Variants in ZNF496 observed in about 807,000 individuals in gnomAD.
The protein encoded by ZNF496 is NSD1 (nuclear receptor binding SET-domain containing 1)-interacting zinc finger protein 1.
Under a neutral mutation model 58.9 loss-of-function variants are expected in ZNF496, and 11 were observed. The observed-to-expected ratio is 0.19, with a 90% CI of 0.12 to 0.31. The LOEUF (loss-of-function observed/expected upper bound fraction) is 0.31, where lower values mean the gene tolerates loss of function less well. Among genes scored for constraint, ZNF496 ranks in the 10% least tolerant of loss-of-function variants. The pLI, the probability that ZNF496 is intolerant of heterozygous loss-of-function variation, is 1.00. For synonymous variants in ZNF496, 338 were observed against 318.2 expected, an observed-to-expected ratio of 1.06 and a Z score of -0.66; for missense variants, 660 against 783.0, an observed-to-expected ratio of 0.84 and a Z score of 1.88.
rs556025977 is a variant in ZNF496 at position 247,329,353 on chromosome 1, G to A, written c.226C>T (p.His76Tyr). Residue 76 changes from histidine to tyrosine, a missense_variant, in exon 4 of 10, where the codon CAC becomes TAC. Transcript: ENST00000682384. This position sits in a 1 kb window ranked among gnomAD's most constrained non-coding sequence, Gnocchi z 5.5. ...AGCTCCAGAATCTGCTCCTTGGTGT[G>A]CCTCTCAGGCCGCAGCCAGCCCCCG... ...LCGGWLRPER[H>Y]TKEQILELLV... 1 of 1,613,548 alleles carries A rather than the reference G, an allele frequency of 6.2e-7. No individual in the cohort carries two copies. Among genetic ancestry groups the A allele is most frequent in the East Asian group, 2.2e-5 (1 of 44,868 alleles).
In ZNF496 at chr1:247,310,469, G is replaced by C; in HGVS notation, c.652-13C>G. 1 of 1,614,040 alleles carries C rather than the reference G, an allele frequency of 6.2e-7. No individual in the cohort carries two copies. The highest frequency in any genetic ancestry group is 8.5e-7 in the Non-Finnish European group (1 of 1,179,980). ...GAGAAACCCGACTCTGAAAGCACAGGAGAACAGGGATGCCTCAGTCCGGGA... is the reference window on the plus strand; with the variant it reads ...GAGAAACCCGACTCTGAAAGCACAGCAGAACAGGGATGCCTCAGTCCGGGA... On this transcript the variant is annotated splice_polypyrimidine_tract_variant and intron_variant, in intron 6 of 9. Coordinates refer to ENST00000682384, the MANE Select transcript of ZNF496 (RefSeq NM_032752.3).
chr1:247,328,447 A>C (rs1660210247), intron 5 of ZNF496, among the ~76,000 whole-genome samples: 1 of 152,190 alleles, frequency 6.6e-6, no homozygotes, highest in South Asian at 2.1e-4. Context: ...ACCCACCTAC[A>C]GAAGCGTTAG....
chr1:247,324,138 T>A (rs1660046814), intron 5 of ZNF496, among the ~76,000 whole-genome samples: 1 of 148,280 alleles, frequency 6.7e-6, no homozygotes, highest in Non-Finnish European at 1.5e-5. Flanking sequence ...TGGAACTCCA[T>A]AAAAAAAGAA....
rs1203653768 is a variant in ZNF496, at chr1:247,297,954, G to C, written c.*2565C>G. 6.6e-5 allele frequency: 10 copies of C among 152,202 alleles called. No homozygotes were observed. Among genetic ancestry groups the C allele is most frequent in the Non-Finnish European group, 1.5e-4 (10 of 68,044 alleles). 9.4% of individuals were successfully genotyped at this position (152,202 alleles called of 1,614,324 possible). On this transcript the variant is annotated 3_prime_UTR_variant, in exon 10 of 10. Coordinates refer to ENST00000682384, the MANE Select transcript of ZNF496 (RefSeq NM_032752.3). ...ACACAGAAAAACACTCTGGTAAGTA[G>C]AACAGTGTTCTTCTCTTGAGTCAGA...
rs1288889442 is a variant in ZNF496 at position 247,300,641 on chromosome 1, C to T, written c.1642G>A (p.Asp548Asn). ...CGGCACTGGAAGGGCCGGGCTTTGTCCTTCAGGTGAAAGTGGCTGCGGTGC... is the reference window on the plus strand; with the variant it reads ...CGGCACTGGAAGGGCCGGGCTTTGTTCTTCAGGTGAAAGTGGCTGCGGTGC... ...ARHRSHFHLK[D>N]KARPFQCRYC... is the part of the protein sequence containing the mutation. Residue 548 changes from aspartate (D) to asparagine (N), a missense_variant, in exon 10 of 10, where the codon GAC becomes AAC. Physicochemically the swap from Asp to Asn is conservative, Grantham distance 23. Transcript: ENST00000682384. The surrounding 1 kb of genome is among the most constrained non-coding windows in gnomAD (Gnocchi z 5.7). 1 of 1,614,180 alleles carries T rather than the reference C, an allele frequency of 6.2e-7. No individual in the cohort carries two copies. Among genetic ancestry groups the T allele is most frequent in the East Asian group, 2.2e-5 (1 of 44,880 alleles).
chr1:247,311,399 T>TAAA, intron 6 of ZNF496: 1 of 123,162 alleles, frequency 8.1e-6, no homozygotes, highest in Non-Finnish European at 1.7e-5. Context: ...GACTCAGTCT[T>TAAA]AAAAAAAAAA....
chr1:247,324,768 A>G (rs1225965437), intron 5 of ZNF496, among the ~76,000 whole-genome samples: 2 of 152,248 alleles, frequency 1.3e-5, no homozygotes, highest in Non-Finnish European at 2.9e-5. Flanking sequence ...AAATTAAACA[A>G]AAAAGAAAAA....
At chr1:247,310,580 T>G in intron 6 of ZNF496, 124 bp from the exon 7 acceptor site, 3 of 1,300,092 alleles carry the variant, frequency 2.3e-6, no homozygotes, top group Non-Finnish European at 3.2e-6. Context: ...CAGAAATCTG[T>G]TCCTCACAGT....
At chr1:247,324,362 A>G (rs917063311) in intron 5 of ZNF496, among the ~76,000 whole-genome samples, 2 of 152,234 alleles carry the variant, frequency 1.3e-5, no homozygotes, top group African/African-American at 4.8e-5. Context: ...AATTTCAGTG[A>G]CATGAGAGGA....
chr1:247,305,150 T>C (rs1014897339), intron 9 of ZNF496, among the ~76,000 whole-genome samples: 28 of 152,042 alleles, frequency 1.8e-4, no homozygotes, highest in Admixed American at 5.9e-4. Context: ...TATGGGTGGG[T>C]GGGCTCCCAC....
chr1:247,301,211 A>C lies in ZNF496; in HGVS notation c.1072T>G (p.Ser358Ala). ...TGGGAGTCCTCGTCCCCAGAGCTGG[A>C]GAGAACGATCTCGATGGTCACTTCT... is the stretch of plus-strand genomic sequence containing the variant. The part of the protein sequence containing the change: ...DEEVTIEIVL[S>A]SSGDEDSQHG... Residue 358 changes from serine (S) to alanine (A), a missense_variant, in exon 10 of 10, where the codon TCC becomes GCC. Physicochemically the swap from Ser to Ala is moderately conservative, Grantham distance 99. Transcript: ENST00000682384. 6.4e-7 allele frequency: 1 copy of C among 1,558,366 alleles called. No homozygotes were observed. The highest frequency in any genetic ancestry group is 8.7e-7 in the Non-Finnish European group (1 of 1,152,362).
chr1:247,320,166 T>C (rs899892946), intron 6 of ZNF496, among the ~76,000 whole-genome samples: 3 of 152,200 alleles, frequency 2.0e-5, no homozygotes, highest in Non-Finnish European at 4.4e-5. Flanking sequence ...GATGTGTATA[T>C]AAAAACCTGC....
At chr1:247,326,913 C>T (rs1660146291) in intron 5 of ZNF496, among the ~76,000 whole-genome samples, 1 of 152,138 alleles carries the variant, frequency 6.6e-6, no homozygotes, top group African/African-American at 2.4e-5. Flanking sequence ...TTAGTGTAAA[C>T]ATCTTCCTCT....
At chr1:247,306,968 G>T in intron 9 of ZNF496, 1 of 452,236 alleles carries the variant, frequency 2.2e-6, no homozygotes, top group Non-Finnish European at 2.9e-6. Flanking sequence ...GTAAATCACT[G>T]AATCCTGGTG....
chr1:247,317,488 G>T (rs969276433), intron 6 of ZNF496, among the ~76,000 whole-genome samples: 1 of 152,128 alleles, frequency 6.6e-6, no homozygotes, highest in South Asian at 2.1e-4. Flanking sequence ...GTGCAATGAG[G>T]TGCCCTAACA....
In ZNF496 at chr1:247,329,403, G is replaced by A. The variant is rs1429819863; in HGVS notation, c.176C>T (p.Ala59Val). The A allele has an allele frequency of 6.2e-7, 1 of 1,613,094 alleles. No individual in the cohort carries two copies. Among genetic ancestry groups the A allele is most frequent in the Non-Finnish European group, 8.5e-7 (1 of 1,179,776 alleles). Residue 59 changes from alanine (A) to valine (V), a missense_variant, in exon 4 of 10, where the codon GCC becomes GTC. Physicochemically the swap from Ala to Val is moderately conservative, Grantham distance 64 (BLOSUM62 0). Coordinates refer to ENST00000682384, the MANE Select transcript of ZNF496 (RefSeq NM_032752.3). This position sits in a 1 kb window ranked among gnomAD's most constrained non-coding sequence, Gnocchi z 5.5. ...GCACAGGTCCCAGAGGCGCTGCAGG[G>A]CCTCCCGGGGGCCCGCCGCCTCCTG... ...RYQEAAGPRE[A>V]LQRLWDLCGG...
chr1:247,319,796 G>A (rs868546125), intron 6 of ZNF496, among the ~76,000 whole-genome samples: 34 of 152,110 alleles, frequency 2.2e-4, no homozygotes, highest in African/African-American at 6.5e-4. Context: ...GGTGGTGCGC[G>A]CCTGTAGTCT....
intron 9 of ZNF496, chr1:247,307,654 A>C: frequency 2.0e-6 from 2 of 985,392 alleles, no homozygotes; most frequent in Non-Finnish European, 2.4e-6. Context: ...CATGCATGAA[A>C]GGGGGCCAAG....
At chr1:247,316,415 T>G (rs1218244867) in intron 6 of ZNF496, among the ~76,000 whole-genome samples, 1 of 151,978 alleles carries the variant, frequency 6.6e-6, no homozygotes, top group African/African-American at 2.4e-5. Flanking sequence ...TATTGAAAGG[T>G]GTGGCCTTTA....
Sources: allele counts gnomAD v4.1 joint callset (sites outside exome capture counted in the v4.1 genomes callset), GRCh38; gene constraint gnomAD v4.1.1; non-coding constraint Gnocchi (gnomAD v3.1); transcripts MANE v1.5; gene names NCBI Gene and HGNC (gene_info 2026-07-23, HGNC 2026-07-21).